The following LIG1 variants were observed in gnomAD, a reference collection of about 807,000 sequenced individuals.
LIG1 encodes the protein DNA ligase 1.
Under a neutral mutation model 115.7 loss-of-function variants are expected in LIG1, and 70 were observed. The observed-to-expected ratio is 0.60, with a 90% CI of 0.50 to 0.74. The LOEUF (loss-of-function observed/expected upper bound fraction) is 0.74, where lower values mean the gene tolerates loss of function less well. Among genes scored for constraint, LIG1 ranks in the 30% least tolerant of loss-of-function variants. The pLI is 0.00. For missense variants in LIG1, 1,115 were observed against 1,225.6 expected (o/e 0.91, Z 1.35); for synonymous variants, 487 against 495.3 (o/e 0.98, Z 0.22).
intron 2 of LIG1, among the ~76,000 whole-genome samples, chr19:48,163,021 TCTC>T (rs936913729): frequency 1.4e-4 from 22 of 151,964 alleles, no homozygotes; most frequent in African/African-American, 5.3e-4. Flanking sequence ...TTCAAGCGAT[TCTC>T]CTGCCTCAGC....
chr19:48,135,872 A>T (rs1012187028), intron 15 of LIG1, 93 bp from the exon 16 acceptor site: 1 of 1,292,964 alleles, frequency 7.7e-7, no homozygotes, highest in Non-Finnish European at 1.1e-6. Context: ...CAAGGAATGC[A>T]GATGCCGCGG....
At chr19:48,127,832 G>T in intron 20 of LIG1, 78 bp downstream of exon 20, 1 of 1,212,978 alleles carries the variant, frequency 8.2e-7, no homozygotes, top group Non-Finnish European at 1.2e-6. Flanking sequence ...CTGGGCACTG[G>T]GCAGGACCCA....
At chr19:48,130,436 A>G (rs1189704569) in intron 19 of LIG1, among the ~76,000 whole-genome samples, 2 of 152,112 alleles carry the variant, frequency 1.3e-5, no homozygotes, top group African/African-American at 4.8e-5. Context: ...GAAGTCCCCA[A>G]CTCTGGGGCC....
At chr19:48,127,174 G>A in intron 21 of LIG1, 103 bp downstream of exon 21, 2 of 934,952 alleles carry the variant, frequency 2.1e-6, no homozygotes, top group South Asian at 2.6e-5. Context: ...TCCTGGCCAT[G>A]TGAAGTGGCA....
At chr19:48,134,643 G>A (rs2034265468) in intron 16 of LIG1, among the ~76,000 whole-genome samples, 1 of 152,374 alleles carries the variant, frequency 6.6e-6, no homozygotes, top group Admixed American at 6.5e-5. Flanking sequence ...GGATGACAGG[G>A]CGAGACTCCG....
chr19:48,163,128 G>A (rs2036280287), intron 2 of LIG1, among the ~76,000 whole-genome samples: 1 of 151,728 alleles, frequency 6.6e-6, no homozygotes, highest in Non-Finnish European at 1.5e-5. Context: ...ATGTTGGCCA[G>A]GCCAGTCTCA....
rs370388106 is a variant in LIG1 at position 48,151,349 on chromosome 19, G to T, written c.467-10C>A. 81 of 1,567,260 alleles carry T rather than the reference G, an allele frequency of 5.2e-5. No individual in the cohort carries two copies. The Middle Eastern group carries it at 1.2e-3, about 23-fold the overall frequency. ...TTCGGGGTCTCCTCTTCTGACGATA[G>T]ACAGAACGGTCAGATGGCAAAAAAA... On this transcript the variant is annotated splice_polypyrimidine_tract_variant and intron_variant, in intron 6 of 27. Transcript: ENST00000263274.
At chr19:48,155,795 G>C (rs533277515) in intron 5 of LIG1, among the ~76,000 whole-genome samples, 2 of 152,292 alleles carry the variant, frequency 1.3e-5, no homozygotes, top group South Asian at 4.2e-4. Context: ...TCGGCAACAT[G>C]ATCTGTGTAG....
chr19:48,133,189 C>A, intron 17 of LIG1, 92 bp from the exon 18 acceptor site: 1 of 865,048 alleles, frequency 1.2e-6, no homozygotes, highest in Non-Finnish European at 2.0e-6. Context: ...GCCCCAGGAC[C>A]ATTCTGCTTT....
intron 9 of LIG1, among the ~76,000 whole-genome samples, chr19:48,148,230 T>G (rs2035245614): frequency 6.6e-6 from 1 of 151,952 alleles, no homozygotes; most frequent in Non-Finnish European, 1.5e-5. Flanking sequence ...TCCCAGCACT[T>G]TGAGAGGCTG....
At chr19:48,133,641 G>A (rs887118163) in intron 17 of LIG1, 1 of 362,980 alleles carries the variant, frequency 2.8e-6, no homozygotes, top group African/African-American at 2.1e-5. Flanking sequence ...CTGTCGCCCA[G>A]CTGGAGTGCA....
intron 15 of LIG1, 40 bp downstream of exon 15, chr19:48,135,994 A>G: frequency 6.7e-7 from 1 of 1,488,552 alleles, no homozygotes; most frequent in Non-Finnish European, 9.1e-7. Context: ...GCCTGAGGTA[A>G]CTCCAGCGAG....
chr19:48,133,102 GA>G lies in LIG1; in HGVS notation c.1610-6del. 1 of 1,581,464 alleles carries G rather than the reference GA, an allele frequency of 6.3e-7. No homozygotes were observed. The highest frequency in any genetic ancestry group is 8.7e-7 in the Non-Finnish European group (1 of 1,150,292). On this transcript the variant is annotated splice_region_variant and splice_polypyrimidine_tract_variant and intron_variant, in intron 17 of 27. Transcript: ENST00000263274. ...ACATTGGTTTCAGGGGAATCCCTGG[GA>G]AAGGAGGAGAGTGAGTTAGAGGAGA...
rs2288882 is a variant in LIG1, at chr19:48,135,978, G to A, written c.1423+56C>T. 0.36 allele frequency: 505,655 copies of A among 1,412,192 alleles called. 94,747 individuals carry two copies. Among genetic ancestry groups the A allele is most frequent in the East Asian group, 0.56 (22,559 of 39,974 alleles). 87.5% of individuals were successfully genotyped at this position (1,412,192 alleles called of 1,614,324 possible). A position where few individuals can be genotyped will look rare whatever the true frequency, so the allele number is the denominator to read the frequency against. On this transcript the variant is annotated intron_variant, in intron 15 of 27. Transcript: ENST00000263274. ...CGGGCATGGGCCTCTGAAGAGGAGG[G>A]GGGAAGCCTGAGGTAACTCCAGCGA...
intron 9 of LIG1, among the ~76,000 whole-genome samples, chr19:48,145,293 T>C (rs921123798): frequency 1.3e-5 from 2 of 152,222 alleles, no homozygotes; most frequent in African/African-American, 4.8e-5. Context: ...CGGCCAGCTG[T>C]ACCTGCTGAG....
At chr19:48,161,299 G>A in intron 4 of LIG1, 73 bp downstream of exon 4, 3 of 1,589,218 alleles carry the variant, frequency 1.9e-6, no homozygotes, top group Non-Finnish European at 2.6e-6. Flanking sequence ...CTGAACAGCT[G>A]CTGCACTCTG....
At chr19:48,161,141 A>G in intron 4 of LIG1, 1 of 600,396 alleles carries the variant, frequency 1.7e-6, no homozygotes, top group East Asian at 2.8e-5. Context: ...CAGGAGCTGC[A>G]TGTTACAGTT....
At chr19:48,121,931 C>T (rs1221714571) in intron 23 of LIG1, among the ~76,000 whole-genome samples, 1 of 152,230 alleles carries the variant, frequency 6.6e-6, no homozygotes, top group Non-Finnish European at 1.5e-5. Context: ...GCCACTCCTC[C>T]AAAGGGAGAG....
At chr19:48,150,065 T>G (rs762454609) in intron 8 of LIG1, 23 bp downstream of exon 8, 6 of 1,613,502 alleles carry the variant, frequency 3.7e-6, no homozygotes, top group African/African-American at 2.7e-5. Flanking sequence ...CCCCGGGAGG[T>G]GGGGTGAGCA....
Sources: allele counts gnomAD v4.1 joint callset (sites outside exome capture counted in the v4.1 genomes callset), GRCh38; gene constraint gnomAD v4.1.1; transcripts MANE v1.5; gene names NCBI Gene and HGNC (gene_info 2026-07-23, HGNC 2026-07-21).